STK33: variants seen among roughly 807,000 people sequenced by gnomAD.
STK33 encodes serine/threonine kinase 33.
Under a neutral mutation model 58.0 loss-of-function variants are expected in STK33, and 52 were observed. That is an observed-to-expected ratio of 0.90 (90% CI 0.72 to 1.13). STK33 has a LOEUF of 1.13. Ranked by LOEUF, STK33 falls within the 50% of genes most tolerant of loss-of-function variation. The pLI is 0.00. For missense variants in STK33, 630 were observed against 604.2 expected (o/e 1.04, Z -0.45); for synonymous variants, 215 against 200.1 (o/e 1.07, Z -0.63).
intron 1 of STK33, among the ~76,000 whole-genome samples, chr11:8,522,789 T>A (rs1953595684): frequency 6.6e-6 from 1 of 152,130 alleles, no homozygotes; most frequent in South Asian, 2.1e-4. Context: ...CTTTCCTTTC[T>A]ACGGTCTCCC....
chr11:8,473,149 T>G lies in STK33; in HGVS notation c.339+14A>C. ...CCTGAAAGTTCACAGTAGCTTCATT[T>G]GCTTTCTATATACCTCAATAGCAGC... is the stretch of plus-strand genomic sequence containing the variant. On this transcript the variant is annotated intron_variant, in intron 6 of 15. Coordinates refer to ENST00000687296, the MANE Select transcript of STK33 (RefSeq NM_001352389.2). 1 of 1,549,728 alleles carries G rather than the reference T, an allele frequency of 6.5e-7. No homozygotes were observed. Among genetic ancestry groups the G allele is most frequent in the South Asian group, 1.2e-5 (1 of 83,364 alleles).
At chr11:8,348,540 G>A in the STK33 span, among the ~76,000 whole-genome samples, 39 of 152,132 alleles carry the variant, frequency 2.6e-4, no homozygotes, top group Non-Finnish European at 3.4e-4. Flanking sequence ...CCCATGATAC[G>A]TGGGGATTAT....
chr11:8,509,709 C>T (rs936256697), intron 1 of STK33, among the ~76,000 whole-genome samples: 7 of 152,012 alleles, frequency 4.6e-5, no homozygotes, highest in African/African-American at 1.4e-4. Context: ...CATTCTTATG[C>T]CTTTGCATCC....
the STK33 span, among the ~76,000 whole-genome samples, chr11:8,364,193 T>G: frequency 6.6e-6 from 1 of 152,246 alleles, no homozygotes; most frequent in Non-Finnish European, 1.5e-5. Context: ...CTGCTGCACA[T>G]GTGGAGCCAA....
intron 7 of STK33, among the ~76,000 whole-genome samples, chr11:8,464,342 C>G (rs1947912528): frequency 6.6e-6 from 1 of 152,222 alleles, no homozygotes; most frequent in Middle Eastern, 3.4e-3. Context: ...AAAAGTATAT[C>G]AAAACAAAAT....
At chr11:8,412,265 T>G (rs1368513027) in intron 15 of STK33, among the ~76,000 whole-genome samples, 1 of 152,152 alleles carries the variant, frequency 6.6e-6, no homozygotes, top group Non-Finnish European at 1.5e-5. Flanking sequence ...ACATGGAATT[T>G]TATGATATTA....
chr11:8,452,827 T>G lies in STK33; in HGVS notation c.866A>C (p.Tyr289Ser). Reference protein sequence around the residue: ...MLQATCGTPIYMAPEVISAHD... With the variant: ...MLQATCGTPISMAPEVISAHD... Reference sequence around the variant, plus strand: ...TTTTAAGTCTACTAACTTACCCATATAGATAGGAGTCCCACATGTGGCCTG... The same window carrying G: ...TTTTAAGTCTACTAACTTACCCATAGAGATAGGAGTCCCACATGTGGCCTG... Residue 289 changes from tyrosine (Y) to serine (S), a missense_variant, in exon 11 of 16, where the codon TAT becomes TCT. Coordinates refer to ENST00000687296, the MANE Select transcript of STK33 (RefSeq NM_001352389.2). The G allele has an allele frequency of 1.2e-6, 2 of 1,613,840 alleles. No homozygotes were observed. Among genetic ancestry groups the G allele is most frequent in the Non-Finnish European group, 1.7e-6 (2 of 1,179,774 alleles).
intron 14 of STK33, among the ~76,000 whole-genome samples, chr11:8,422,297 T>C (rs1942037775): frequency 6.6e-6 from 1 of 152,174 alleles, no homozygotes; most frequent in Admixed American, 6.5e-5. Flanking sequence ...CATTGTATTG[T>C]TGGGGATACT....
chr11:8,535,728 A>G (rs1954941555), intron 1 of STK33, among the ~76,000 whole-genome samples: 1 of 152,230 alleles, frequency 6.6e-6, no homozygotes, highest in South Asian at 2.1e-4. Context: ...CAGTAATCCC[A>G]CGACTCAGTA....
the STK33 span, among the ~76,000 whole-genome samples, chr11:8,344,256 C>T: frequency 6.7e-6 from 1 of 148,278 alleles, no homozygotes; most frequent in Admixed American, 6.8e-5. Flanking sequence ...ATGGTGCACA[C>T]CTGTAGTTCT....
intron 14 of STK33, among the ~76,000 whole-genome samples, chr11:8,421,116 T>G (rs565173261): frequency 2.0e-5 from 3 of 152,196 alleles, no homozygotes; most frequent in Non-Finnish European, 4.4e-5. Flanking sequence ...CCTTCTGGTG[T>G]TGTTTTATTA....
At chr11:8,450,262 T>C (rs1946109881) in intron 11 of STK33, among the ~76,000 whole-genome samples, 1 of 152,132 alleles carries the variant, frequency 6.6e-6, no homozygotes, top group Non-Finnish European at 1.5e-5. Flanking sequence ...TGCAGGGACA[T>C]GGACGAAGCT....
the STK33 span, among the ~76,000 whole-genome samples, chr11:8,351,662 C>A: frequency 1.3e-5 from 2 of 152,250 alleles, no homozygotes; most frequent in Non-Finnish European, 2.9e-5. Flanking sequence ...TCGGGGCAGG[C>A]CCCAGCAGGG....
chr11:8,494,614 C>G (rs912205638), intron 1 of STK33, among the ~76,000 whole-genome samples: 2 of 152,080 alleles, frequency 1.3e-5, no homozygotes, highest in African/African-American at 4.8e-5. Flanking sequence ...TCATACGGAA[C>G]CAAAAAAGAG....
chr11:8,451,053 A>G (rs1946212761), intron 11 of STK33, among the ~76,000 whole-genome samples: 1 of 152,208 alleles, frequency 6.6e-6, no homozygotes, highest in South Asian at 2.1e-4. Context: ...AAGGACTAGA[A>G]CTGTATAATT....
chr11:8,343,035 C>T, the STK33 span, among the ~76,000 whole-genome samples: 17 of 152,326 alleles, frequency 1.1e-4, no homozygotes, highest in Admixed American at 3.3e-4. Flanking sequence ...TTAAGAAGTC[C>T]GCTGGGAGAA....
intron 1 of STK33, among the ~76,000 whole-genome samples, chr11:8,534,816 C>T (rs568554701): frequency 6.6e-6 from 1 of 152,166 alleles, no homozygotes; most frequent in South Asian, 2.1e-4. Context: ...CTATAATACT[C>T]ATAAATGAAA....
intron 1 of STK33, among the ~76,000 whole-genome samples, chr11:8,574,090 C>T (rs956447842): frequency 3.9e-5 from 6 of 152,134 alleles, no homozygotes; most frequent in African/African-American, 1.4e-4. Context: ...CCTCAGTGGC[C>T]CCTCTCCCTC....
the STK33 span, among the ~76,000 whole-genome samples, chr11:8,366,911 T>A: frequency 1.3e-5 from 2 of 152,196 alleles, no homozygotes; most frequent in Non-Finnish European, 2.9e-5. Context: ...CAGGCCAGTT[T>A]GTGTGGCTTG....
Sources: allele counts gnomAD v4.1 joint callset (sites outside exome capture counted in the v4.1 genomes callset), GRCh38; gene constraint gnomAD v4.1.1; transcripts MANE v1.5; gene names NCBI Gene and HGNC (gene_info 2026-07-23, HGNC 2026-07-21).